The following MEI4 variants were observed in gnomAD, a reference collection of about 807,000 sequenced individuals.
MEI4 encodes the protein meiotic double-stranded break formation protein 4, also known as meiosis-specific protein MEI4.
MEI4 carries 27 observed loss-of-function variants against 31.4 expected under a neutral mutation model. The ratio of observed to expected loss-of-function variants is 0.86; its 90% CI spans 0.63 to 1.19. The LOEUF is 1.19. MEI4 is among the 50% of genes most tolerant of loss of function. The pLI is 0.00. For missense variants in MEI4, 329 were observed against 398.9 expected, an observed-to-expected ratio of 0.82 and a Z score of 1.49; for synonymous variants, 122 against 145.4, an observed-to-expected ratio of 0.84 and a Z score of 1.16.
chr6:77,789,283 A>G (rs546624421), intron 3 of MEI4, among the ~76,000 whole-genome samples: 2 of 152,340 alleles, frequency 1.3e-5, no homozygotes, highest in East Asian at 3.9e-4. Context: ...TAAACATTAG[A>G]CCTAAAACCA....
chr6:77,849,556 T>A (rs896410979), intron 4 of MEI4, among the ~76,000 whole-genome samples: 4 of 152,222 alleles, frequency 2.6e-5, no homozygotes, highest in African/African-American at 7.2e-5. Flanking sequence ...GCATTTTATA[T>A]AAGCGTTAGT....
Position 77,702,595 on chromosome 6 carries a change from T to C in MEI4, c.232+11692T>C, listed in dbSNP as rs565151569. Among the ~76,000 whole-genome samples, 8 of 152,310 alleles carry C rather than the reference T, an allele frequency of 5.3e-5. No homozygotes were observed. The South Asian group carries it at 1.7e-3, about 32-fold the overall frequency. On this transcript the variant is annotated intron_variant, in intron 2 of 4. Transcript: ENST00000684080. Reference sequence around the variant, plus strand: ...TGCCATTTCCTTGGTCATACTTAATTTATCCCAATGAGACTGGTATGTCTT... The same window carrying C: ...TGCCATTTCCTTGGTCATACTTAATCTATCCCAATGAGACTGGTATGTCTT...
At chr6:77,687,632 T>A (rs1454403416) in intron 1 of MEI4, among the ~76,000 whole-genome samples, 1 of 152,018 alleles carries the variant, frequency 6.6e-6, no homozygotes, top group Non-Finnish European at 1.5e-5. Flanking sequence ...TCACAACCCT[T>A]CTAGTCAGGC....
chr6:77,806,051 G>A (rs1377974933), intron 3 of MEI4, among the ~76,000 whole-genome samples: 1 of 152,004 alleles, frequency 6.6e-6, no homozygotes, highest in Non-Finnish European at 1.5e-5. Flanking sequence ...GTTTCATATT[G>A]CTTTGCTTGA....
At chr6:77,787,731 T>C (rs750707576) in intron 3 of MEI4, among the ~76,000 whole-genome samples, 2 of 151,948 alleles carry the variant, frequency 1.3e-5, no homozygotes, top group Non-Finnish European at 2.9e-5. Flanking sequence ...AATCTAAAAA[T>C]TACCTGAAAA....
At chr6:77,776,446 G>A (rs1046057637) in intron 3 of MEI4, among the ~76,000 whole-genome samples, 3 of 152,082 alleles carry the variant, frequency 2.0e-5, no homozygotes, top group African/African-American at 4.8e-5. Context: ...GAAACTTGGT[G>A]CATTTCAGTC....
intron 1 of MEI4, among the ~76,000 whole-genome samples, chr6:77,688,710 G>A (rs1453183036): frequency 6.6e-6 from 1 of 152,044 alleles, no homozygotes. Flanking sequence ...AATTGAATGT[G>A]AGATTCTTTT....
At position 77,708,822 on chromosome 6, in the gene MEI4, G is replaced by A. The variant is rs186488290; in HGVS notation, c.232+17919G>A. On this transcript the variant is annotated intron_variant, in intron 2 of 4. Transcript: ENST00000684080. Reference sequence around the variant, plus strand: ...ACACTCTGACTCTCCTTCACCTGCTGTCATGATTATAAAGTTCCTGAGGCC... The same window carrying A: ...ACACTCTGACTCTCCTTCACCTGCTATCATGATTATAAAGTTCCTGAGGCC... 1.4e-3 allele frequency among the ~76,000 whole-genome samples: 213 copies of A among 152,308 alleles called. 1 individual carries two copies. Among genetic ancestry groups the A allele is most frequent in the African/African-American group, 4.5e-3 (187 of 41,568 alleles).
At chr6:77,882,228 C>T (rs563927070) in intron 4 of MEI4, among the ~76,000 whole-genome samples, 4 of 152,246 alleles carry the variant, frequency 2.6e-5, no homozygotes, top group African/African-American at 9.6e-5. Context: ...AATCAGAGTG[C>T]ATCACCCCCC....
chr6:77,699,344 T>C (rs553138296), intron 2 of MEI4, among the ~76,000 whole-genome samples: 1 of 151,746 alleles, frequency 6.6e-6, no homozygotes, highest in Non-Finnish European at 1.5e-5. Context: ...CGCCTGCCAC[T>C]ACGCCCGGCT....
intron 1 of MEI4, among the ~76,000 whole-genome samples, chr6:77,667,323 C>T (rs971912013): frequency 8.5e-5 from 13 of 152,148 alleles, no homozygotes; most frequent in South Asian, 2.1e-4. Flanking sequence ...AGGCTCATGG[C>T]TTTTCTCATC....
chr6:77,720,497 T>C (rs1354859855), intron 2 of MEI4, among the ~76,000 whole-genome samples: 2 of 129,266 alleles, frequency 1.5e-5, no homozygotes, highest in Non-Finnish European at 3.3e-5. Context: ...AAGTTGCCCA[T>C]ATGAAATGTG....
At chr6:77,818,572 C>G (rs1021413362) in intron 3 of MEI4, among the ~76,000 whole-genome samples, 1 of 152,042 alleles carries the variant, frequency 6.6e-6, no homozygotes, top group Non-Finnish European at 1.5e-5. Flanking sequence ...CCACCACTTG[C>G]TTTTCTTGTA....
chr6:77,863,875 T>G (rs1158033984), intron 4 of MEI4, among the ~76,000 whole-genome samples: 1 of 152,188 alleles, frequency 6.6e-6, no homozygotes, highest in Non-Finnish European at 1.5e-5. Context: ...GACTAACAGC[T>G]GATCTCTTGG....
At position 77,868,984 on chromosome 6, in the gene MEI4, C is replaced by G. The variant is rs146233186; in HGVS notation, c.900+39922C>G. On this transcript the variant is annotated intron_variant, in intron 4 of 4. Transcript: ENST00000684080. ...CTGCTCCTTTGTCTTTCATCTGGAT[C>G]CATCTCTTACTTGGCCGAGCTGGAT... Among the ~76,000 whole-genome samples the G allele has an allele frequency of 7.4e-4, 112 of 152,136 alleles. 1 individual carries two copies. The East Asian group carries it at 0.021, about 28-fold the overall frequency.
At chr6:77,787,368 A>C (rs940034101) in intron 3 of MEI4, among the ~76,000 whole-genome samples, 17 of 152,154 alleles carry the variant, frequency 1.1e-4, no homozygotes, top group Non-Finnish European at 2.4e-4. Flanking sequence ...TTCTGAAGCC[A>C]GTCTAGTTCA....
intron 2 of MEI4, among the ~76,000 whole-genome samples, chr6:77,696,951 A>T: frequency 6.6e-6 from 1 of 152,110 alleles, no homozygotes; most frequent in East Asian, 1.9e-4. Context: ...AGAGCCTGTT[A>T]TTGGTCTATT....
chr6:77,694,250 A>C (rs1293702324), intron 2 of MEI4, among the ~76,000 whole-genome samples: 1 of 151,540 alleles, frequency 6.6e-6, no homozygotes, highest in African/African-American at 2.4e-5. Flanking sequence ...TCTTTTTATT[A>C]TTTATTTATT....
At chr6:77,909,448 G>A (rs1181601982) in intron 4 of MEI4, among the ~76,000 whole-genome samples, 2 of 152,234 alleles carry the variant, frequency 1.3e-5, no homozygotes, top group Non-Finnish European at 2.9e-5. Context: ...AAATAAACTA[G>A]AAAATGTAAA....
Sources: allele counts gnomAD v4.1 joint callset (sites outside exome capture counted in the v4.1 genomes callset), GRCh38; gene constraint gnomAD v4.1.1; transcripts MANE v1.5; gene names NCBI Gene and HGNC (gene_info 2026-07-23, HGNC 2026-07-21).